KPNA3: variants seen among roughly 807,000 people sequenced by gnomAD.
KPNA3 encodes karyopherin subunit alpha 3, also known as importin subunit alpha-4.
KPNA3 carries 13 observed loss-of-function variants against 73.8 expected under a neutral mutation model. The observed-to-expected ratio is 0.18, with a 90% CI of 0.11 to 0.28. The LOEUF (loss-of-function observed/expected upper bound fraction) is 0.28. Among genes scored for constraint, KPNA3 ranks in the 10% least tolerant of loss-of-function variants. KPNA3 has a pLI of 1.00. For missense variants in KPNA3, 360 were observed against 618.1 expected (o/e 0.58, Z 4.43); for synonymous variants, 186 against 206.9 (o/e 0.90, Z 0.87).
chr13:49,778,394 ATCT>A lies in KPNA3; in HGVS notation c.69+14041_69+14043del, dbSNP rs562806671. 3.6e-3 allele frequency among the ~76,000 whole-genome samples: 550 copies of A among 152,330 alleles called. 1 individual carries two copies. The highest frequency in any genetic ancestry group is 0.013 in the African/African-American group (531 of 41,570). On this transcript the variant is annotated intron_variant, in intron 1 of 16. Transcript: ENST00000261667. ...ACTGTTTCTGTACCTCTGTCTATAC[ATCT>A]TCTTCCACCACCTGGCTGTGCTGGA...
intron 1 of KPNA3, among the ~76,000 whole-genome samples, chr13:49,762,358 G>A (rs181755328): frequency 0.017 from 2,610 of 152,314 alleles, 62 homozygotes; most frequent in African/African-American, 0.059. Flanking sequence ...ACTCCGTCTG[G>A]GAAGTGTACC....
chr13:49,744,683 G>C (rs989822417), intron 2 of KPNA3, among the ~76,000 whole-genome samples: 4 of 152,116 alleles, frequency 2.6e-5, no homozygotes, highest in Non-Finnish European at 5.9e-5. Flanking sequence ...ATGTTGGCCA[G>C]GATGGTCTCG....
At chr13:49,791,727 CA>C (rs1369043351) in intron 1 of KPNA3, among the ~76,000 whole-genome samples, 2 of 152,214 alleles carry the variant, frequency 1.3e-5, no homozygotes, top group Non-Finnish European at 2.9e-5. Flanking sequence ...AGCCTGAACA[CA>C]ATAGATGGCA....
Position 49,706,081 on chromosome 13 carries a change from C to T in KPNA3, c.1209+17G>A, listed in dbSNP as rs771773570. 1 of 1,606,994 alleles carries T rather than the reference C, an allele frequency of 6.2e-7. No homozygotes were observed. The highest frequency in any genetic ancestry group is 8.5e-7 in the Non-Finnish European group (1 of 1,175,730). On this transcript the variant is annotated intron_variant, in intron 14 of 16. Transcript: ENST00000261667. The stretch of plus-strand genomic sequence containing the variant: ...CCAGTATTAACAATCATGACAGTTA[C>T]AGGTTTTCAAACTCACCTGATCTTT...
At chr13:49,768,275 T>A (rs1954825000) in intron 1 of KPNA3, among the ~76,000 whole-genome samples, 1 of 108,990 alleles carries the variant, frequency 9.2e-6, no homozygotes, top group Non-Finnish European at 1.9e-5. Context: ...CGAGACTCTG[T>A]CTCAAAAAAA....
chr13:49,792,526 GGCGGCTACTCCTGCGGCT>G lies in KPNA3; in HGVS notation c.-38_-21del, dbSNP rs1955044427. The G allele has an allele frequency of 5.1e-6, 8 of 1,566,436 alleles. No individual in the cohort carries two copies. Among genetic ancestry groups the G allele is most frequent in the East Asian group, 5.2e-5 (2 of 38,570 alleles). ...GGCCATGGCTGCGCGCGGCTCCGGCGGCGGCTACTCCTGCGGCTGCGGCGGCGGCGGCGGCGAATCTTG... is the reference window on the plus strand; with the variant it reads ...GGCCATGGCTGCGCGCGGCTCCGGCGGCGGCGGCGGCGGCGGCGAATCTTG... On this transcript the variant is annotated 5_prime_UTR_variant, in exon 1 of 17. Coordinates refer to ENST00000261667, the MANE Select transcript of KPNA3 (RefSeq NM_002267.4).
chr13:49,780,330 C>T (rs909074510), intron 1 of KPNA3, among the ~76,000 whole-genome samples: 45 of 152,294 alleles, frequency 3.0e-4, no homozygotes, highest in African/African-American at 1.1e-3. Context: ...AATATTTAGG[C>T]TTTTAAAAAA....
At chr13:49,722,150 A>G in intron 8 of KPNA3, 26 bp from the exon 9 acceptor site, 1 of 1,453,500 alleles carries the variant, frequency 6.9e-7, no homozygotes, top group Non-Finnish European at 9.2e-7. Flanking sequence ...TTATATTTAA[A>G]AAAAACTTAC....
In KPNA3 at chr13:49,706,286, T is replaced by C; in HGVS notation, c.1119A>G (p.Ile373Met). ...AVIDAGLIPM[I>M]IHQLAKGDFG... Reference sequence around the variant, plus strand: ...GACCAACCTTAGCAAGCTGATGAATTATCATAGGAATTAATCCAGCATCTA... The same window carrying C: ...GACCAACCTTAGCAAGCTGATGAATCATCATAGGAATTAATCCAGCATCTA... Residue 373 changes from isoleucine to methionine, a missense_variant, in exon 13 of 17, where the codon ATA (isoleucine) becomes ATG (methionine). Ile to Met is a conservative substitution (Grantham distance 10). This residue lies in a region of KPNA3 where 287 missense variants were observed against 549.1 expected (regional missense o/e 0.52). Coordinates refer to ENST00000261667, the MANE Select transcript of KPNA3 (RefSeq NM_002267.4). 1 of 1,613,916 alleles carries C rather than the reference T, an allele frequency of 6.2e-7. No homozygotes were observed. The highest frequency in any genetic ancestry group is 8.5e-7 in the Non-Finnish European group (1 of 1,179,906).
intron 1 of KPNA3, among the ~76,000 whole-genome samples, chr13:49,770,027 T>G (rs1280010850): frequency 1.3e-5 from 2 of 152,188 alleles, no homozygotes; most frequent in Admixed American, 6.6e-5. Flanking sequence ...GTCATTTGTA[T>G]GCCTCCTTCA....
chr13:49,710,830 A>T (rs199932055), intron 11 of KPNA3, 61 bp downstream of exon 11: 259 of 1,432,888 alleles, frequency 1.8e-4, no homozygotes, highest in Non-Finnish European at 3.7e-5. Flanking sequence ...CTAGCTGTAC[A>T]AGTTAACTGG....
chr13:49,756,374 T>C (rs188216778), intron 1 of KPNA3, among the ~76,000 whole-genome samples: 15 of 152,236 alleles, frequency 9.9e-5, no homozygotes, highest in East Asian at 7.7e-4. Flanking sequence ...AGACCATACA[T>C]AGCGAGACTC....
At position 49,725,412 on chromosome 13, in the gene KPNA3, T is replaced by G. The variant is rs1429276406; in HGVS notation, c.469+4A>C. On this transcript the variant is annotated splice_donor_region_variant and intron_variant, in intron 7 of 16. Coordinates refer to ENST00000261667, the MANE Select transcript of KPNA3 (RefSeq NM_002267.4). ...AAAGTTCAGACAGTAAGGAATTTAC[T>G]TACTAGACTGCACAACAGCTTGAGT... is the stretch of plus-strand genomic sequence containing the variant. 6.3e-7 allele frequency: 1 copy of G among 1,583,066 alleles called. No homozygotes were observed. The highest frequency in any genetic ancestry group is 1.4e-5 in the African/African-American group (1 of 73,770).
chr13:49,768,786 A>G (rs1954830322), intron 1 of KPNA3, among the ~76,000 whole-genome samples: 1 of 152,150 alleles, frequency 6.6e-6, no homozygotes, highest in Non-Finnish European at 1.5e-5. Context: ...CACTGCATGC[A>G]TAGTATTTAA....
rs1181960131 is a variant in KPNA3 at position 49,700,938 on chromosome 13, T to A, written c.*862A>T. 2 of 152,632 alleles carry A rather than the reference T, an allele frequency of 1.3e-5. No individual in the cohort carries two copies. The highest frequency in any genetic ancestry group is 4.8e-5 in the African/African-American group (2 of 41,456). 9.5% of individuals were successfully genotyped at this position (152,632 alleles called of 1,614,324 possible). On this transcript the variant is annotated 3_prime_UTR_variant, in exon 17 of 17. Transcript: ENST00000261667. ...TTTTTGTTTTGCTGTTTTTCCTTTATACTCAGGGACTCTTGCTTTCAACTT... is the reference window on the plus strand; with the variant it reads ...TTTTTGTTTTGCTGTTTTTCCTTTAAACTCAGGGACTCTTGCTTTCAACTT...
intron 1 of KPNA3, among the ~76,000 whole-genome samples, chr13:49,762,183 T>TCGTC (rs1954771155): frequency 8.8e-6 from 1 of 113,222 alleles, no homozygotes; most frequent in Non-Finnish European, 1.7e-5. Context: ...GCCAGCCGCC[T>TCGTC]CGTCCGGGAG....
chr13:49,707,232 A>C (rs1954216055), intron 12 of KPNA3, among the ~76,000 whole-genome samples: 1 of 152,220 alleles, frequency 6.6e-6, no homozygotes, highest in African/African-American at 2.4e-5. Context: ...GGGATTTATA[A>C]GTCATAAACA....
intron 1 of KPNA3, among the ~76,000 whole-genome samples, chr13:49,761,346 C>G (rs2137582995): frequency 6.6e-6 from 1 of 152,312 alleles, no homozygotes; most frequent in Non-Finnish European, 1.5e-5. Flanking sequence ...CTGCCTGATT[C>G]TCCCGCCTCA....
intron 1 of KPNA3, among the ~76,000 whole-genome samples, chr13:49,764,030 G>A (rs1387345470): frequency 7.1e-6 from 1 of 140,944 alleles, no homozygotes; most frequent in Non-Finnish European, 1.5e-5. Flanking sequence ...TTGTCCCACT[G>A]CACTCCAGCC....
Sources: allele counts gnomAD v4.1 joint callset (sites outside exome capture counted in the v4.1 genomes callset), GRCh38; gene constraint gnomAD v4.1.1; regional missense constraint gnomAD v4.1.1; transcripts MANE v1.5; gene names NCBI Gene and HGNC (gene_info 2026-07-23, HGNC 2026-07-21).